The following COL22A1 variants were observed in gnomAD, a reference collection of about 807,000 sequenced individuals.
The protein encoded by COL22A1 is collagen alpha-1(XXII) chain.
Under a neutral mutation model 248.9 loss-of-function variants are expected in COL22A1, and 221 were observed. The ratio of observed to expected loss-of-function variants is 0.89; its 90% CI spans 0.80 to 0.99. The LOEUF (loss-of-function observed/expected upper bound fraction) is 0.99, where lower values mean the gene tolerates loss of function less well. COL22A1 is among the 50% of genes least tolerant of loss of function. The pLI is 0.00. For synonymous variants in COL22A1, 891 were observed against 793.4 expected, an observed-to-expected ratio of 1.12 and a Z score of -2.07; for missense variants, 2,240 against 2,179.0, an observed-to-expected ratio of 1.03 and a Z score of -0.56.
chr8:138,693,626 G>A lies in COL22A1; in HGVS notation c.2754+20C>T. 1 of 1,572,626 alleles carries A rather than the reference G, an allele frequency of 6.4e-7. No individual in the cohort carries two copies. The highest frequency in any genetic ancestry group is 8.6e-7 in the Non-Finnish European group (1 of 1,158,912). ...CCCTCCGGGGCTCCCCCACGAGGCA[G>A]GCCGATCATAGGGACTCACGGGGTT... On this transcript the variant is annotated intron_variant, in intron 35 of 64. Coordinates refer to ENST00000303045, the MANE Select transcript of COL22A1 (RefSeq NM_152888.3).
At chr8:138,878,581 C>T (rs1052071165) in intron 2 of COL22A1, among the ~76,000 whole-genome samples, 2 of 152,158 alleles carry the variant, frequency 1.3e-5, no homozygotes, top group African/African-American at 2.4e-5. Flanking sequence ...TAACACCCAC[C>T]GCACAGCACT....
chr8:138,823,106 A>C (rs749795955), intron 6 of COL22A1, among the ~76,000 whole-genome samples: 1 of 152,214 alleles, frequency 6.6e-6, no homozygotes, highest in Non-Finnish European at 1.5e-5. Context: ...ACCTTGGGTA[A>C]GTTATTTAAC....
chr8:138,870,418 G>T (rs898379207), intron 3 of COL22A1, among the ~76,000 whole-genome samples: 1 of 151,622 alleles, frequency 6.6e-6, no homozygotes, highest in Non-Finnish European at 1.5e-5. Context: ...TTTCTGTGGG[G>T]TGTGTGTGCT....
intron 26 of COL22A1, among the ~76,000 whole-genome samples, chr8:138,721,316 G>T (rs1829852213): frequency 6.6e-6 from 1 of 152,154 alleles, no homozygotes; most frequent in Non-Finnish European, 1.5e-5. Context: ...CTGTTGAGGT[G>T]CATACTTGAG....
At chr8:138,720,979 T>C (rs1456511221) in intron 26 of COL22A1, among the ~76,000 whole-genome samples, 187 bp from the exon 27 acceptor site, 2 of 152,222 alleles carry the variant, frequency 1.3e-5, no homozygotes, top group Admixed American at 6.5e-5. Flanking sequence ...CTAGGTTCCA[T>C]ATTCAATAGC....
chr8:138,828,514 A>G (rs993586763), intron 5 of COL22A1, among the ~76,000 whole-genome samples: 1 of 152,170 alleles, frequency 6.6e-6, no homozygotes, highest in African/African-American at 2.4e-5. Context: ...AGATTCAATA[A>G]AGCACTTACA....
intron 11 of COL22A1, among the ~76,000 whole-genome samples, chr8:138,798,185 A>G (rs757708925): frequency 2.6e-4 from 39 of 151,584 alleles, no homozygotes; most frequent in Non-Finnish European, 5.0e-4. Context: ...TATGTCTTCT[A>G]TAGACAGGAT....
rs1410880694 is a variant in COL22A1 at position 138,725,395 on chromosome 8, C to A, written c.2185G>T (p.Gly729Cys). 3 of 1,614,136 alleles carry A rather than the reference C, an allele frequency of 1.9e-6. No individual in the cohort carries two copies. Among genetic ancestry groups the A allele is most frequent in the South Asian group, 2.2e-5 (2 of 91,068 alleles). ...ATCAAAGCCAGTCTTACCGGAGAAC[C>A]TCCCGGTCCAGGGGGGCCTGGGACA... ...PGVPGPPGPG[G>C]SPGLPGEIGF... Residue 729 changes from glycine to cysteine, a missense_variant, in exon 24 of 65, where the codon GGT becomes TGT. Gly to Cys is a radical substitution (Grantham distance 159). Coordinates refer to ENST00000303045, the MANE Select transcript of COL22A1 (RefSeq NM_152888.3).
chr8:138,596,672 T>A (rs952835503), intron 62 of COL22A1, among the ~76,000 whole-genome samples: 1 of 152,146 alleles, frequency 6.6e-6, no homozygotes, highest in Admixed American at 6.5e-5. Context: ...GATAGTGAGC[T>A]CTCCTTCACT....
chr8:138,792,482 T>C (rs16909637), intron 12 of COL22A1, among the ~76,000 whole-genome samples: 3,962 of 152,274 alleles, frequency 0.026, 100 homozygotes, highest in African/African-American at 0.061. Flanking sequence ...GGTAGCAACA[T>C]GGCTATGGGA....
rs34512818 is a variant in COL22A1 at position 138,840,534 on chromosome 8, TACACACAC to T, written c.733+3542_733+3549del. Among the ~76,000 whole-genome samples the T allele has an allele frequency of 5.8e-3, 868 of 149,146 alleles. 8 individuals are homozygous for T. The highest frequency in any genetic ancestry group is 8.1e-3 in the Non-Finnish European group (546 of 67,224). On this transcript the variant is annotated intron_variant, in intron 4 of 64. Transcript: ENST00000303045. ...AAAGTCCTGCATTTTCATGTGTGAG[TACACACAC>T]ACACACACACACACACGCGCTCCTG... is the stretch of plus-strand genomic sequence containing the variant.
intron 4 of COL22A1, among the ~76,000 whole-genome samples, chr8:138,838,662 A>G (rs1820617498): frequency 7.8e-6 from 1 of 128,052 alleles, no homozygotes; most frequent in African/African-American, 2.9e-5. Context: ...GGTGGCAGCA[A>G]AGGGCACCAA....
At chr8:138,695,265 A>C (rs550094384) in intron 32 of COL22A1, among the ~76,000 whole-genome samples, 2 of 152,300 alleles carry the variant, frequency 1.3e-5, no homozygotes, top group African/African-American at 2.4e-5. Context: ...TCATCAGTGA[A>C]TGATGGAAAG....
At chr8:138,627,988 T>TA (rs1224282640) in intron 50 of COL22A1, among the ~76,000 whole-genome samples, 2 of 152,156 alleles carry the variant, frequency 1.3e-5, no homozygotes, top group African/African-American at 4.8e-5. Flanking sequence ...AGCTATAAGA[T>TA]AAGATACCTA....
chr8:138,809,199 CT>C (rs1817974650), intron 9 of COL22A1, among the ~76,000 whole-genome samples: 2 of 152,178 alleles, frequency 1.3e-5, no homozygotes, highest in Admixed American at 1.3e-4. Context: ...TCTCACCCCC[CT>C]GTGCTTGGGA....
intron 12 of COL22A1, among the ~76,000 whole-genome samples, chr8:138,788,989 C>T (rs1385479043): frequency 6.6e-6 from 1 of 152,186 alleles, no homozygotes; most frequent in Admixed American, 6.5e-5. Flanking sequence ...AGTCTGTGAC[C>T]GGGGTCTGCA....
At chr8:138,760,063 A>G (rs902895464) in intron 18 of COL22A1, among the ~76,000 whole-genome samples, 180 bp downstream of exon 18, 7 of 152,156 alleles carry the variant, frequency 4.6e-5, no homozygotes, top group African/African-American at 1.7e-4. Context: ...AAAAAATTCA[A>G]TATGATAGCC....
At chr8:138,687,408 C>T (rs1826448898) in intron 37 of COL22A1, among the ~76,000 whole-genome samples, 1 of 152,200 alleles carries the variant, frequency 6.6e-6, no homozygotes, top group African/African-American at 2.4e-5. Flanking sequence ...CAAATGACAT[C>T]TCCTCGTGTT....
In COL22A1 at chr8:138,871,768, T is replaced by C. The variant is rs1057133419; in HGVS notation, c.658+5982A>G. ...GTGAGATATTACCTGTAAATGTTTA[T>C]GTAGTCCATTCCCAACTATATATAT... is the stretch of plus-strand genomic sequence containing the variant. On this transcript the variant is annotated intron_variant, in intron 3 of 64. Coordinates refer to ENST00000303045, the MANE Select transcript of COL22A1 (RefSeq NM_152888.3). Among the ~76,000 whole-genome samples, 4 of 152,254 alleles carry C rather than the reference T, an allele frequency of 2.6e-5. No homozygotes were observed. In the East Asian group the frequency reaches 7.7e-4, roughly 29 times the overall value.
Sources: allele counts gnomAD v4.1 joint callset (sites outside exome capture counted in the v4.1 genomes callset), GRCh38; gene constraint gnomAD v4.1.1; transcripts MANE v1.5; gene names NCBI Gene and HGNC (gene_info 2026-07-23, HGNC 2026-07-21).